The following TMEM232 variants were observed in gnomAD, a reference collection of about 807,000 sequenced individuals.
TMEM232 encodes the protein transmembrane protein 232.
TMEM232 carries 80 observed loss-of-function variants against 78.8 expected under a neutral mutation model. The observed-to-expected ratio is 1.01, with a 90% CI of 0.85 to 1.22. The LOEUF is 1.22. Among genes scored for constraint, TMEM232 ranks in the 50% most tolerant of loss-of-function variants. The pLI is 0.00. For synonymous variants in TMEM232, 297 were observed against 254.3 expected (o/e 1.17, Z -1.60); for missense variants, 881 against 742.2 (o/e 1.19, Z -2.17).
chr5:110,528,866 G>T, intron 11 of TMEM232, 31 bp from the exon 12 acceptor site: 2 of 1,349,150 alleles, frequency 1.5e-6, no homozygotes, highest in South Asian at 2.1e-5. Context: ...GGAATCAGTT[G>T]AAACAGGATT....
chr5:110,495,468 T>C (rs1765545177), intron 12 of TMEM232, among the ~76,000 whole-genome samples: 1 of 151,988 alleles, frequency 6.6e-6, no homozygotes, highest in Non-Finnish European at 1.5e-5. Context: ...TCAGAGACGA[T>C]CTGTCTTGGT....
intron 1 of TMEM232, among the ~76,000 whole-genome samples, chr5:110,691,378 C>A (rs78625603): frequency 0.01 from 1,524 of 152,282 alleles, 14 homozygotes; most frequent in African/African-American, 0.034. Context: ...GTCTTTGATG[C>A]AAACTGCTAA....
intron 4 of TMEM232, among the ~76,000 whole-genome samples, chr5:110,638,560 G>A (rs1239743122): frequency 6.6e-6 from 1 of 152,180 alleles, no homozygotes; most frequent in African/African-American, 2.4e-5. Context: ...CCCTGTGACA[G>A]TTTCAACCAA....
At chr5:110,620,577 ATCTCTCTCTCTCTCTCTCTC>A (rs66736608) in intron 7 of TMEM232, among the ~76,000 whole-genome samples, 1,992 of 43,094 alleles carry the variant, frequency 0.046, 70 homozygotes, top group African/African-American at 0.081. Flanking sequence ...TGTCTCTCAT[ATCTCTCTCTCTCTCTCTCTC>A]TCTCTCTCTC....
chr5:110,688,819 G>A (rs1030226670), intron 1 of TMEM232, among the ~76,000 whole-genome samples: 1 of 152,122 alleles, frequency 6.6e-6, no homozygotes, highest in Admixed American at 6.6e-5. Context: ...ACAATGAAAA[G>A]GTACTTGCCT....
chr5:110,547,451 T>C (rs762758218), intron 11 of TMEM232, among the ~76,000 whole-genome samples: 3 of 152,162 alleles, frequency 2.0e-5, no homozygotes, highest in Non-Finnish European at 4.4e-5. Context: ...TAATTAGGTA[T>C]GGAATATTTG....
chr5:110,717,825 C>T (rs1207960670), intron 1 of TMEM232, among the ~76,000 whole-genome samples: 1 of 152,094 alleles, frequency 6.6e-6, no homozygotes, highest in African/African-American at 2.4e-5. Flanking sequence ...CCTTGCTTCC[C>T]CTTTGCTTTC....
chr5:110,563,676 A>C (rs909677600), intron 11 of TMEM232, among the ~76,000 whole-genome samples: 1 of 151,974 alleles, frequency 6.6e-6, no homozygotes, highest in African/African-American at 2.4e-5. Flanking sequence ...ATAAGACTAA[A>C]GAGGATTTAT....
intron 12 of TMEM232, among the ~76,000 whole-genome samples, chr5:110,467,613 C>A (rs959469207): frequency 6.6e-6 from 1 of 152,034 alleles, no homozygotes; most frequent in Non-Finnish European, 1.5e-5. Flanking sequence ...ACAACAAATA[C>A]ATAAAAATTT....
intron 12 of TMEM232, among the ~76,000 whole-genome samples, chr5:110,514,328 T>A (rs1230244777): frequency 6.6e-6 from 1 of 152,128 alleles, no homozygotes; most frequent in Non-Finnish European, 1.5e-5. Context: ...CCAGCAGCAA[T>A]TCATAGCTTA....
intron 12 of TMEM232, among the ~76,000 whole-genome samples, chr5:110,444,057 G>A (rs1007864621): frequency 6.6e-6 from 1 of 152,036 alleles, no homozygotes; most frequent in Admixed American, 6.6e-5. Flanking sequence ...TTGGGGAAGG[G>A]GTGATGCAAG....
At chr5:110,598,651 C>T (rs1278204487) in intron 10 of TMEM232, among the ~76,000 whole-genome samples, 1 of 151,762 alleles carries the variant, frequency 6.6e-6, no homozygotes, top group Non-Finnish European at 1.5e-5. Flanking sequence ...GAAAATGTGG[C>T]ACATATACAC....
At chr5:110,640,398 CGTT>C (rs917978646) in intron 4 of TMEM232, among the ~76,000 whole-genome samples, 1 of 150,154 alleles carries the variant, frequency 6.7e-6, no homozygotes, top group African/African-American at 2.5e-5. Flanking sequence ...TTAGAAATAA[CGTT>C]GTTTAATTTT....
rs79869415 is a variant in TMEM232 at position 110,603,200 on chromosome 5, A to G, written c.1276+1909T>C. ...CAAATACCTAATGCATGAGGGGCTT[A>G]AATTGAAGAAGATGGGTTTTAAAAC... On this transcript the variant is annotated intron_variant, in intron 10 of 13. Coordinates refer to ENST00000455884, the MANE Select transcript of TMEM232 (RefSeq NM_001039763.4). 5.1e-3 allele frequency among the ~76,000 whole-genome samples: 775 copies of G among 152,104 alleles called. 4 individuals are homozygous for G. The highest frequency in any genetic ancestry group is 7.9e-3 in the Non-Finnish European group (536 of 67,922).
chr5:110,572,577 A>G (rs566175897), intron 10 of TMEM232, among the ~76,000 whole-genome samples: 3 of 152,222 alleles, frequency 2.0e-5, no homozygotes, highest in African/African-American at 7.2e-5. Flanking sequence ...ATAAAACTAC[A>G]ATAGTTGAAT....
Position 110,605,135 on chromosome 5 carries a change from T to G in TMEM232, c.1250A>C (p.Tyr417Ser). The part of the protein sequence containing the change: ...KETSILSLLE[Y>S]FSSKMSENCD... ...GTTCTCTGACATTTTTGAAGAGAAA[T>G]ATTCCAAAAGACTTAAAATACTTGT... is the stretch of plus-strand genomic sequence containing the variant. Residue 417 changes from tyrosine (Y) to serine (S), a missense_variant, in exon 10 of 14, where the codon TAT becomes TCT. By Grantham distance (144) the Tyr-to-Ser change is moderately radical. Transcript: ENST00000455884. The G allele has an allele frequency of 1.3e-6, 2 of 1,545,236 alleles. No homozygotes were observed. Among genetic ancestry groups the G allele is most frequent in the Non-Finnish European group, 1.7e-6 (2 of 1,143,980 alleles).
At chr5:110,493,217 T>C (rs1011296420) in intron 12 of TMEM232, among the ~76,000 whole-genome samples, 3 of 151,882 alleles carry the variant, frequency 2.0e-5, no homozygotes, top group South Asian at 2.1e-4. Context: ...AAAAACACCA[T>C]GTTCCTAGAG....
rs896853326 is a variant in TMEM232, at chr5:110,420,672, T to G, written c.1882A>C (p.Asn628His). 19 of 1,528,262 alleles carry G rather than the reference T, an allele frequency of 1.2e-5. No individual in the cohort carries two copies. The highest frequency in any genetic ancestry group is 2.5e-5 in the East Asian group (1 of 40,426). 94.7% of individuals were successfully genotyped at this position (1,528,262 alleles called of 1,614,324 possible). A position where few individuals can be genotyped will look rare whatever the true frequency, so the allele number is the denominator to read the frequency against. ...TTCTTCATAACTTCTTGAAAGTGAT[T>G]TTTCTCTGCTAACTTTTTATCTTTA... ...ELKDKKLAEK[N>H]HFQEVMKKRE... The change falls in exon 14 of 14, where the codon AAT becomes CAT. Residue 628 changes from asparagine to histidine, a missense_variant. Transcript: ENST00000455884.
chr5:110,625,217 T>C, intron 7 of TMEM232, 50 bp downstream of exon 7: 2 of 1,422,426 alleles, frequency 1.4e-6, no homozygotes, highest in South Asian at 3.3e-5. Flanking sequence ...ATAGTAATGA[T>C]ATCTGATGCA....
Sources: allele counts gnomAD v4.1 joint callset (sites outside exome capture counted in the v4.1 genomes callset), GRCh38; gene constraint gnomAD v4.1.1; transcripts MANE v1.5; gene names NCBI Gene and HGNC (gene_info 2026-07-23, HGNC 2026-07-21).